The following PLG variants were observed in gnomAD, a reference collection of about 807,000 sequenced individuals.
PLG encodes the protein plasminogen, also known as plasmin.
In PLG, 41 loss-of-function variants were observed where a neutral mutation model predicts 104.4. The observed-to-expected ratio is 0.39, with a 90% CI of 0.31 to 0.51. The LOEUF is 0.51. Ranked by LOEUF, PLG falls within the 20% of genes least tolerant of loss-of-function variation. PLG has a pLI of 0.76. For synonymous variants in PLG, 337 were observed against 357.1 expected (o/e 0.94, Z 0.63); for missense variants, 891 against 1,003.6 (o/e 0.89, Z 1.52).
rs1431132194 is a variant in PLG, at chr6:160,739,135, G to A, written c.1945G>A (p.Val649Ile). The change falls in exon 16 of 19, where the codon GTT (valine) becomes ATT (isoleucine). Residue 649 changes from valine (V) to isoleucine (I), a missense_variant. Around this residue, in one of 2 missense-constraint regions of PLG, gnomAD observed 854 missense variants for 932.1 expected, o/e 0.92. Coordinates refer to ENST00000308192, the MANE Select transcript of PLG (RefSeq NM_000301.5). The surrounding 1 kb of genome is among the most constrained non-coding windows in gnomAD (Gnocchi z 4.4). ...CCAAGAAGTGAATCTCGAACCGCAT[G>A]TTCAGGAAATAGAAGTGTCTAGGCT... is the stretch of plus-strand genomic sequence containing the variant. ...AHQEVNLEPHVQEIEVSRLFL... is the reference protein window; with the variant it reads ...AHQEVNLEPHIQEIEVSRLFL... 3.1e-6 allele frequency: 5 copies of A among 1,614,150 alleles called. No individual in the cohort carries two copies. Among genetic ancestry groups the A allele is most frequent in the Non-Finnish European group, 4.2e-6 (5 of 1,180,014 alleles).
At chr6:160,706,250 A>C in intron 1 of PLG, 157 bp from the exon 2 acceptor site, 1 of 950,376 alleles carries the variant, frequency 1.1e-6, no homozygotes. Context: ...TGTGTTCTTA[A>C]CTAAACATTT....
intron 4 of PLG, chr6:160,711,437 A>G (rs1296089742): frequency 2.5e-6 from 2 of 802,430 alleles, no homozygotes; most frequent in South Asian, 1.9e-5. Flanking sequence ...TTATTGTCAT[A>G]TTGTTATTTT....
At chr6:160,709,069 C>T (rs1181999305) in intron 3 of PLG, among the ~76,000 whole-genome samples, 2 of 151,718 alleles carry the variant, frequency 1.3e-5, no homozygotes, top group Non-Finnish European at 2.9e-5. Flanking sequence ...ATGGGAATGA[C>T]TGTAGGTTGA....
rs572846264 is a variant in PLG at position 160,705,041 on chromosome 6, G to T, written c.50-1366G>T. ...CTTGTCTCCTGCTGCAGCCTCCACT[G>T]CTCTCCTAGTCACTCTGTAACCCAC... On this transcript the variant is annotated intron_variant, in intron 1 of 18. Coordinates refer to ENST00000308192, the MANE Select transcript of PLG (RefSeq NM_000301.5). Among the ~76,000 whole-genome samples, 6 of 152,264 alleles carry T rather than the reference G, an allele frequency of 3.9e-5. No homozygotes were observed. In the East Asian group the frequency reaches 1.2e-3, roughly 29 times the overall value.
At chr6:160,706,207 T>G in intron 1 of PLG, 200 bp from the exon 2 acceptor site, 2 of 679,254 alleles carry the variant, frequency 2.9e-6, no homozygotes, top group Non-Finnish European at 2.5e-6. Flanking sequence ...TGTCTTTAGT[T>G]GCCATCTTTA....
chr6:160,724,468 CTA>C lies in PLG; in HGVS notation c.1256+1903_1256+1904del, dbSNP rs988183517. 5.3e-4 allele frequency among the ~76,000 whole-genome samples: 80 copies of C among 152,050 alleles called. 1 individual carries two copies. Among genetic ancestry groups the C allele is most frequent in the African/African-American group, 1.8e-3 (76 of 41,486 alleles). ...TAAAGAAACAGAGCCTCAAGAATAT[CTA>C]TGAAAATATCAAAAGATTTCATATA... On this transcript the variant is annotated intron_variant, in intron 10 of 18. Coordinates refer to ENST00000308192, the MANE Select transcript of PLG (RefSeq NM_000301.5). This position sits in a 1 kb window ranked among gnomAD's most constrained non-coding sequence, Gnocchi z 5.0.
Position 160,726,957 on chromosome 6 carries a change from T to C in PLG, c.1257-4094T>C, listed in dbSNP as rs1383199400. ...CTGTGAAATCCAGTGTATAAGAATA[T>C]AGACAAACAATTGAGTAAATCTGTG... On this transcript the variant is annotated intron_variant, in intron 10 of 18. Coordinates refer to ENST00000308192, the MANE Select transcript of PLG (RefSeq NM_000301.5). This position sits in a 1 kb window ranked among gnomAD's most constrained non-coding sequence, Gnocchi z 4.4. Among the ~76,000 whole-genome samples the C allele has an allele frequency of 6.6e-6, 1 of 151,866 alleles. No homozygotes were observed. The highest frequency in any genetic ancestry group is 1.5e-5 in the Non-Finnish European group (1 of 67,838).
At chr6:160,705,156 A>G (rs1298489511) in intron 1 of PLG, among the ~76,000 whole-genome samples, 2 of 152,074 alleles carry the variant, frequency 1.3e-5, no homozygotes, top group East Asian at 1.9e-4. Flanking sequence ...TCTTCATTTT[A>G]TTAGCCTCTT....
chr6:160,711,646 C>T, intron 4 of PLG: 1 of 1,610,672 alleles, frequency 6.2e-7, no homozygotes, highest in Non-Finnish European at 8.5e-7. Flanking sequence ...AACATGGTTG[C>T]TTTCTATTTT....
intron 2 of PLG, among the ~76,000 whole-genome samples, chr6:160,707,156 G>A (rs1241901951): frequency 6.6e-6 from 1 of 152,096 alleles, no homozygotes; most frequent in Non-Finnish European, 1.5e-5. Flanking sequence ...CACCTTCTGA[G>A]GGGGACCATT....
chr6:160,739,350 C>A lies in PLG; in HGVS notation c.2018+142C>A. On this transcript the variant is annotated intron_variant, in intron 16 of 18. Coordinates refer to ENST00000308192, the MANE Select transcript of PLG (RefSeq NM_000301.5). The surrounding 1 kb of genome is among the most constrained non-coding windows in gnomAD (Gnocchi z 4.4). ...GGCTCAAGGGCTTTGGGGACAGCAT[C>A]AATCTTCAACCCTAGCCCTGCCACA... 3 of 1,069,612 alleles carry A rather than the reference C, an allele frequency of 2.8e-6. No homozygotes were observed. The highest frequency in any genetic ancestry group is 4.3e-6 in the Non-Finnish European group (3 of 703,584). The allele number at this position is 1,069,612 out of a possible 1,614,324, so 66.3% of individuals were successfully genotyped here. A position where few individuals can be genotyped will look rare whatever the true frequency, so the allele number is the denominator to read the frequency against.
At chr6:160,711,554 A>C in intron 4 of PLG, 4 of 1,603,282 alleles carry the variant, frequency 2.5e-6, no homozygotes, top group Non-Finnish European at 2.6e-6. Context: ...CATCACTTTT[A>C]ATTCAAACCA....
chr6:160,711,783 G>A lies in PLG; in HGVS notation c.407+592G>A, dbSNP rs1777647555. On this transcript the variant is annotated intron_variant, in intron 4 of 18. Coordinates refer to ENST00000308192, the MANE Select transcript of PLG (RefSeq NM_000301.5). ...ATCAAAGATGACTATGTTTGGGACT[G>A]AAGTAAGCATATCAGGTTAGAACTC... 2.5e-6 allele frequency: 4 copies of A among 1,580,980 alleles called. No homozygotes were observed. The South Asian group carries it at 4.6e-5, about 18-fold the overall frequency.
In PLG at chr6:160,723,753, G is replaced by T. The variant is rs920717209; in HGVS notation, c.1256+1186G>T. 1.3e-5 allele frequency among the ~76,000 whole-genome samples: 2 copies of T among 152,110 alleles called. No individual in the cohort carries two copies. Among genetic ancestry groups the T allele is most frequent in the African/African-American group, 4.8e-5 (2 of 41,422 alleles). ...CTACTGGGGAAAGAAAAACTGCAGG[G>T]GAACAGTGAGCTCAATGGAGATGCC... is the stretch of plus-strand genomic sequence containing the variant. On this transcript the variant is annotated intron_variant, in intron 10 of 18. Transcript: ENST00000308192. This position sits in a 1 kb window ranked among gnomAD's most constrained non-coding sequence, Gnocchi z 4.7.
Position 160,723,081 on chromosome 6 carries a change from T to TACATATATAGTGTGTATATATATGTAC in PLG, c.1256+523_1256+549dup, listed in dbSNP as rs1333652949. 7.1e-6 allele frequency among the ~76,000 whole-genome samples: 1 copy of TACATATATAGTGTGTATATATATGTAC among 141,158 alleles called. No homozygotes were observed. The highest frequency in any genetic ancestry group is 1.5e-5 in the Non-Finnish European group (1 of 67,606). 92.6% of individuals were successfully genotyped at this position (141,158 alleles called of 152,430 possible). A position where few individuals can be genotyped will look rare whatever the true frequency, so the allele number is the denominator to read the frequency against. ...CACACATATATGAGATATACAAGTA[T>TACATATATAGTGTGTATATATATGTAC]ACATATATAGTGTGTATATATATGT... is the stretch of plus-strand genomic sequence containing the variant. On this transcript the variant is annotated intron_variant, in intron 10 of 18. Transcript: ENST00000308192. The surrounding 1 kb of genome is among the most constrained non-coding windows in gnomAD (Gnocchi z 4.7).
At chr6:160,715,171 A>G (rs1187023914) in intron 6 of PLG, among the ~76,000 whole-genome samples, 1 of 152,218 alleles carries the variant, frequency 6.6e-6, no homozygotes, top group Non-Finnish European at 1.5e-5. Context: ...TCTGAATCTG[A>G]TTTGAATAAT....
At chr6:160,750,192 G>C (rs770285030) in intron 17 of PLG, among the ~76,000 whole-genome samples, 18 of 152,198 alleles carry the variant, frequency 1.2e-4, no homozygotes, top group Non-Finnish European at 2.4e-4. Context: ...AGAGTTTGGA[G>C]GTGTTGAGGC....
At chr6:160,750,307 A>G (rs1173572964) in intron 17 of PLG, among the ~76,000 whole-genome samples, 1 of 152,166 alleles carries the variant, frequency 6.6e-6, no homozygotes, top group Non-Finnish European at 1.5e-5. Flanking sequence ...GGAGGGCTTC[A>G]ATCCTCAGGT....
rs1477319886 is a variant in PLG, at chr6:160,722,706, A to C, written c.1256+139A>C. On this transcript the variant is annotated intron_variant, in intron 10 of 18. Transcript: ENST00000308192. ...AGAATGTGTAGAAAAATGTCTCAAGAATCTTGCTTTTGAAGAAAGGGCCTG... is the reference window on the plus strand; with the variant it reads ...AGAATGTGTAGAAAAATGTCTCAAGCATCTTGCTTTTGAAGAAAGGGCCTG... The C allele has an allele frequency of 5.2e-6, 4 of 776,242 alleles. No individual in the cohort carries two copies. In the African/African-American group the frequency reaches 5.2e-5, roughly 10 times the overall value. The allele number at this position is 776,242 out of a possible 1,614,324, so 48.1% of individuals were successfully genotyped here. A position where few individuals can be genotyped will look rare whatever the true frequency, so the allele number is the denominator to read the frequency against.
Sources: allele counts gnomAD v4.1 joint callset (sites outside exome capture counted in the v4.1 genomes callset), GRCh38; gene constraint gnomAD v4.1.1; regional missense constraint gnomAD v4.1.1; non-coding constraint Gnocchi (gnomAD v3.1); transcripts MANE v1.5; gene names NCBI Gene and HGNC (gene_info 2026-07-23, HGNC 2026-07-21).